Variants in SLC30A9 observed in about 807,000 individuals in gnomAD.
SLC30A9 encodes proton-coupled zinc antiporter SLC30A9, mitochondrial.
A neutral mutation model predicts 87.5 loss-of-function variants in SLC30A9; 58 were observed. The observed-to-expected ratio is 0.66, with a 90% CI of 0.54 to 0.82. The LOEUF is 0.82. Among genes scored for constraint, SLC30A9 ranks in the 40% least tolerant of loss-of-function variants. The pLI is 0.00. For missense variants in SLC30A9, 557 were observed against 679.1 expected, an observed-to-expected ratio of 0.82 and a Z score of 2.00; for synonymous variants, 234 against 233.0, an observed-to-expected ratio of 1.00 and a Z score of -0.04.
intron 15 of SLC30A9, among the ~76,000 whole-genome samples, chr4:42,071,696 T>C (rs2153140675): frequency 6.6e-6 from 1 of 151,064 alleles, no homozygotes; most frequent in Non-Finnish European, 1.5e-5. Flanking sequence ...AAAAAAAGAT[T>C]AGAAGTTGAG....
At chr4:42,019,305 A>C (rs1276748810) in intron 3 of SLC30A9, among the ~76,000 whole-genome samples, 1 of 152,142 alleles carries the variant, frequency 6.6e-6, no homozygotes, top group East Asian at 1.9e-4. Context: ...ATTTATCTCT[A>C]TCATATGACC....
At chr4:42,061,906 A>C (rs1048736586) in intron 10 of SLC30A9, among the ~76,000 whole-genome samples, 4 of 147,132 alleles carry the variant, frequency 2.7e-5, no homozygotes, top group African/African-American at 1.0e-4. Context: ...GTTTCAAAAA[A>C]AAAAAATGTC....
At chr4:42,063,191 T>G in intron 11 of SLC30A9, 70 bp downstream of exon 11, 50 of 1,343,624 alleles carry the variant, frequency 3.7e-5, no homozygotes, top group Non-Finnish European at 4.7e-5. Flanking sequence ...AGAAGGCCTT[T>G]GTCATATTGG....
chr4:42,013,873 A>G (rs1443718470), intron 2 of SLC30A9, among the ~76,000 whole-genome samples: 1 of 152,268 alleles, frequency 6.6e-6, no homozygotes, highest in Non-Finnish European at 1.5e-5. Context: ...ACAGGCAACC[A>G]GAGCAAAAAT....
At chr4:42,065,853 A>G (rs1236556658) in intron 12 of SLC30A9, among the ~76,000 whole-genome samples, 4 of 152,236 alleles carry the variant, frequency 2.6e-5, no homozygotes, top group Non-Finnish European at 4.4e-5. Context: ...TTACTTATTT[A>G]AAAGGGAAAG....
At chr4:42,070,489 CTG>C (rs1228542974) in intron 14 of SLC30A9, 35 bp from the exon 15 acceptor site, 3 of 1,544,906 alleles carry the variant, frequency 1.9e-6, no homozygotes, top group African/African-American at 1.4e-5. Context: ...ATAATATAAA[CTG>C]TTAATTTACT....
chr4:42,015,824 T>A (rs1715694962), intron 2 of SLC30A9, among the ~76,000 whole-genome samples: 1 of 152,110 alleles, frequency 6.6e-6, no homozygotes, highest in Non-Finnish European at 1.5e-5. Context: ...TCCAGTGATC[T>A]TCATGTTGGT....
In SLC30A9 at chr4:42,086,073, T is replaced by TCTTTC; in HGVS notation, c.1663-7_1663-3dup. The stretch of plus-strand genomic sequence containing the variant: ...CTACAAATAATGTGGTGGTGATTTT[T>TCTTTC]CTTTCCAGAAACGAAATCCTGAAGT... On this transcript the variant is annotated splice_polypyrimidine_tract_variant and intron_variant, in intron 17 of 17. Coordinates refer to ENST00000264451, the MANE Select transcript of SLC30A9 (RefSeq NM_006345.4). 2 of 1,418,298 alleles carry TCTTTC rather than the reference T, an allele frequency of 1.4e-6. No individual in the cohort carries two copies. 87.9% of individuals were successfully genotyped at this position (1,418,298 alleles called of 1,614,324 possible).
chr4:42,026,207 C>T (rs940291511), intron 6 of SLC30A9, among the ~76,000 whole-genome samples: 1 of 152,142 alleles, frequency 6.6e-6, no homozygotes, highest in Non-Finnish European at 1.5e-5. Flanking sequence ...GGAAGAAATA[C>T]ATACTGGGGA....
At position 42,050,394 on chromosome 4, in the gene SLC30A9, C is replaced by G. The variant is rs529244098; in HGVS notation, c.840+915C>G. Among the ~76,000 whole-genome samples, 18 of 152,236 alleles carry G rather than the reference C, an allele frequency of 1.2e-4. 1 individual carries two copies. In the East Asian group the frequency reaches 3.5e-3, roughly 29 times the overall value. On this transcript the variant is annotated intron_variant, in intron 9 of 17. Coordinates refer to ENST00000264451, the MANE Select transcript of SLC30A9 (RefSeq NM_006345.4). Reference sequence around the variant, plus strand: ...AGAGGGGATAGGGAGAGATATATAACTTATAATCTCTATTTTCTTGTAAGC... The same window carrying G: ...AGAGGGGATAGGGAGAGATATATAAGTTATAATCTCTATTTTCTTGTAAGC...
intron 1 of SLC30A9, among the ~76,000 whole-genome samples, chr4:41,993,643 A>G (rs533885124): frequency 2.6e-5 from 4 of 152,322 alleles, no homozygotes; most frequent in South Asian, 2.1e-4. Flanking sequence ...AACTCTCTTA[A>G]CTACTGATTG....
At chr4:42,010,185 T>C (rs1229302020) in intron 2 of SLC30A9, among the ~76,000 whole-genome samples, 2 of 152,166 alleles carry the variant, frequency 1.3e-5, no homozygotes, top group East Asian at 1.9e-4. Flanking sequence ...CAAAACGTAC[T>C]GTATTTTGGT....
At chr4:41,996,505 AAGGT>A (rs1714714916) in intron 1 of SLC30A9, among the ~76,000 whole-genome samples, 1 of 151,546 alleles carries the variant, frequency 6.6e-6, no homozygotes, top group African/African-American at 2.4e-5. Flanking sequence ...TTGGGAGGCC[AAGGT>A]AGGTAGATAA....
intron 2 of SLC30A9, among the ~76,000 whole-genome samples, chr4:42,008,376 A>G (rs1432297706): frequency 6.6e-6 from 1 of 152,136 alleles, no homozygotes; most frequent in Non-Finnish European, 1.5e-5. Flanking sequence ...TCCATATTTT[A>G]TTTCCTCATC....
At chr4:42,067,911 T>C (rs1718146977) in intron 14 of SLC30A9, among the ~76,000 whole-genome samples, 1 of 152,206 alleles carries the variant, frequency 6.6e-6, no homozygotes. Context: ...TAGATGATAA[T>C]CAGACAAATG....
At chr4:42,082,058 A>G (rs949761660) in intron 17 of SLC30A9, among the ~76,000 whole-genome samples, 3 of 152,060 alleles carry the variant, frequency 2.0e-5, no homozygotes, top group Non-Finnish European at 4.4e-5. Context: ...TCTACTAAAA[A>G]TACAAAATAT....
chr4:42,078,191 C>A, intron 16 of SLC30A9, 21 bp from the exon 17 acceptor site: 1 of 1,223,986 alleles, frequency 8.2e-7, no homozygotes. Context: ...ATTTATTTTC[C>A]TGTTTTCATT....
chr4:42,063,520 G>T (rs1183272421), intron 11 of SLC30A9, among the ~76,000 whole-genome samples: 1 of 152,154 alleles, frequency 6.6e-6, no homozygotes, highest in Admixed American at 6.5e-5. Flanking sequence ...TGAAGTTAAA[G>T]CTTCTCTTTT....
intron 8 of SLC30A9, among the ~76,000 whole-genome samples, chr4:42,041,924 TG>T (rs1716937676): frequency 6.6e-6 from 1 of 151,972 alleles, no homozygotes; most frequent in African/African-American, 2.4e-5. Context: ...CGAAGCAGGG[TG>T]GGGCATTGCC....
Sources: gnomAD v4.1 joint callset for allele counts (sites outside exome capture counted in the v4.1 genomes callset) on GRCh38, gnomAD v4.1.1 for gene constraint, MANE v1.5 for transcripts, NCBI Gene and HGNC (gene_info 2026-07-23, HGNC 2026-07-21) for gene names.